Variants in KCNC3 observed in about 807,000 individuals in gnomAD.
The protein encoded by KCNC3 is potassium voltage-gated channel subfamily C member 3.
In KCNC3, 22 loss-of-function variants were observed where a neutral mutation model predicts 43.9. The ratio of observed to expected loss-of-function variants is 0.50; its 90% CI spans 0.36 to 0.72. KCNC3 has a LOEUF of 0.72. Ranked by LOEUF, KCNC3 falls within the 30% of genes least tolerant of loss-of-function variation. The pLI is 0.00. For synonymous variants in KCNC3, 492 were observed against 488.0 expected (o/e 1.01, Z -0.11); for missense variants, 829 against 1,073.8 (o/e 0.77, Z 3.19).
At chr19:50,320,818 G>A (rs376680289) in intron 2 of KCNC3, 34 bp from the exon 3 acceptor site, 224 of 1,607,254 alleles carry the variant, frequency 1.4e-4, no homozygotes, top group Non-Finnish European at 1.8e-4. Flanking sequence ...GAGAGACAAA[G>A]GAGAGAGTGA....
chr19:50,329,972 G>A (rs1192023880), upstream of KCNC3, among the ~76,000 whole-genome samples: 1 of 152,174 alleles, frequency 6.6e-6, no homozygotes, highest in African/African-American at 2.4e-5. Flanking sequence ...TCGACAAATA[G>A]AAAACGTCTT....
Position 50,313,674 on chromosome 19 carries a change from A to G in KCNC3, c.*2441T>C, listed in dbSNP as rs907819422. 4 of 152,232 alleles carry G rather than the reference A, an allele frequency of 2.6e-5. No homozygotes were observed. Among genetic ancestry groups the G allele is most frequent in the African/African-American group, 9.7e-5 (4 of 41,442 alleles). 9.4% of individuals were successfully genotyped at this position (152,232 alleles called of 1,614,324 possible). ...GCATCAAGGGAACCTGGGCTGGACA[A>G]GTCTGTTAGGGCTTTGGGGATATGG... is the stretch of plus-strand genomic sequence containing the variant. On this transcript the variant is annotated 3_prime_UTR_variant, in exon 5 of 5. Coordinates refer to ENST00000477616, the MANE Select transcript of KCNC3 (RefSeq NM_004977.3).
rs369929369 is a variant in KCNC3 at position 50,318,159 on chromosome 19, TTTC to T, written c.*23+2061_*23+2063del. On this transcript the variant is annotated intron_variant, in intron 4 of 4. Coordinates refer to ENST00000477616, the MANE Select transcript of KCNC3 (RefSeq NM_004977.3). The stretch of plus-strand genomic sequence containing the variant: ...TTTTATCTTTATCTTAATTGCTTCT[TTTC>T]TTCTTCTTCTTCTTCTTCTTTTTTT... Among the ~76,000 whole-genome samples, 31 of 151,652 alleles carry T rather than the reference TTTC, an allele frequency of 2.0e-4. 2 individuals carry two copies. Among genetic ancestry groups the T allele is most frequent in the East Asian group, 7.7e-4 (4 of 5,170 alleles).
At chr19:50,322,546 C>T (rs532205325) in intron 2 of KCNC3, among the ~76,000 whole-genome samples, 1 of 152,284 alleles carries the variant, frequency 6.6e-6, no homozygotes, top group African/African-American at 2.4e-5. Context: ...TCTGACTCCC[C>T]GCCTCAGACC....
Position 50,328,272 on chromosome 19 carries a change from G to A in KCNC3, c.811C>T (p.Arg271Cys), listed in dbSNP as rs2037130797. Residue 271 changes from arginine (R) to cysteine (C), a missense_variant, in exon 1 of 5, where the codon CGC (arginine) becomes TGC (cysteine). Around this residue, in one of 7 missense-constraint regions of KCNC3, gnomAD observed 157 missense variants for 293.5 expected, o/e 0.53. Transcript: ENST00000477616. ...AGGAGGTWWR[R>C]WQPRVWALFE... is the part of the protein sequence containing the mutation. ...AGCGCCCACACGCGGGGCTGCCAGCGGCGCCACCATGTGCCGCCCGCGCCG... is the reference window on the plus strand; with the variant it reads ...AGCGCCCACACGCGGGGCTGCCAGCAGCGCCACCATGTGCCGCCCGCGCCG... 13 of 1,187,956 alleles carry A rather than the reference G, an allele frequency of 1.1e-5. No homozygotes were observed. The highest frequency in any genetic ancestry group is 3.4e-4 in the Middle Eastern group (1 of 2,976). The allele number at this position is 1,187,956 out of a possible 1,614,324, so 73.6% of individuals were successfully genotyped here.
rs1002343617 is a variant in KCNC3 at position 50,315,095 on chromosome 19, GAA to G, written c.*1018_*1019del. 1 of 191,566 alleles carries G rather than the reference GAA, an allele frequency of 5.2e-6. No individual in the cohort carries two copies. The highest frequency in any genetic ancestry group is 1.1e-5 in the Non-Finnish European group (1 of 91,540). The allele number at this position is 191,566 out of a possible 1,614,324, so 11.9% of individuals were successfully genotyped here. A position where few individuals can be genotyped will look rare whatever the true frequency, so the allele number is the denominator to read the frequency against. ...AGGCAGGGAGAAAGAGACAGAGAGA[GAA>G]AGAAATGGAAGGGGAGGACAACAGA... is the stretch of plus-strand genomic sequence containing the variant. On this transcript the variant is annotated 3_prime_UTR_variant, in exon 5 of 5. Transcript: ENST00000477616.
intron 4 of KCNC3, among the ~76,000 whole-genome samples, chr19:50,319,926 C>G (rs918970612): frequency 6.6e-6 from 1 of 151,230 alleles, no homozygotes; most frequent in African/African-American, 2.4e-5. Context: ...AAAAAAAACC[C>G]TAGGACCAAG....
chr19:50,318,526 C>G (rs1375767071), intron 4 of KCNC3, among the ~76,000 whole-genome samples: 1 of 152,112 alleles, frequency 6.6e-6, no homozygotes, highest in African/African-American at 2.4e-5. Flanking sequence ...GGAAACTTTT[C>G]CTGTAAAAGG....
In KCNC3 at chr19:50,320,241, G is replaced by A. The variant is rs753489410; in HGVS notation, c.*5C>T. On this transcript the variant is annotated 3_prime_UTR_variant, in exon 4 of 5. Transcript: ENST00000477616. ...TACTTACCCCGGGGGGAGGGGGTTCGTCCACTAGGGGGATATCCAGGCCGC... is the reference window on the plus strand; with the variant it reads ...TACTTACCCCGGGGGGAGGGGGTTCATCCACTAGGGGGATATCCAGGCCGC... 14 of 694,948 alleles carry A rather than the reference G, an allele frequency of 2.0e-5. No individual in the cohort carries two copies. The highest frequency in any genetic ancestry group is 4.3e-5 in the Admixed American group (1 of 23,368). 43.0% of individuals were successfully genotyped at this position (694,948 alleles called of 1,614,324 possible).
At chr19:50,321,228 G>A (rs1011571060) in intron 2 of KCNC3, among the ~76,000 whole-genome samples, 46 of 152,092 alleles carry the variant, frequency 3.0e-4, no homozygotes, top group Middle Eastern at 3.2e-3. Context: ...AGCACTTTGT[G>A]AGGCTGAGGT....
chr19:50,318,056 G>A (rs934058062), intron 4 of KCNC3, among the ~76,000 whole-genome samples: 1 of 152,244 alleles, frequency 6.6e-6, no homozygotes, highest in Non-Finnish European at 1.5e-5. Context: ...GCCTCCCAAA[G>A]TGCTGGGGTT....
chr19:50,332,360 G>A (rs1442927257), upstream of KCNC3, among the ~76,000 whole-genome samples: 1 of 152,168 alleles, frequency 6.6e-6, no homozygotes, highest in Non-Finnish European at 1.5e-5. The surrounding 1 kb of genome is among the most constrained non-coding windows in gnomAD (Gnocchi z 5.8). Context: ...TCAGAAGTGT[G>A]GGAGAAGGTG....
intron 2 of KCNC3, among the ~76,000 whole-genome samples, chr19:50,321,896 T>G (rs1601096728): frequency 1.3e-5 from 2 of 150,948 alleles, no homozygotes; most frequent in African/African-American, 2.4e-5. Flanking sequence ...GGGGTAGGGG[T>G]AGCGGGTGGA....
chr19:50,317,151 T>TA (rs1476892230), intron 4 of KCNC3, among the ~76,000 whole-genome samples: 4 of 144,358 alleles, frequency 2.8e-5, no homozygotes, highest in Non-Finnish European at 4.6e-5. Flanking sequence ...GGGGAGGAGT[T>TA]AGATAGGAGC....
Position 50,323,349 on chromosome 19 carries a change from AC to A in KCNC3, c.1603del (p.Val535CysfsTer73). 1 of 1,614,154 alleles carries A rather than the reference AC, an allele frequency of 6.2e-7. No homozygotes were observed. Among genetic ancestry groups the A allele is most frequent in the Non-Finnish European group, 8.5e-7 (1 of 1,180,036 alleles). On this transcript the variant is annotated frameshift_variant, in exon 2 of 5. Coordinates refer to ENST00000477616, the MANE Select transcript of KCNC3 (RefSeq NM_004977.3). LOFTEE classifies it high-confidence loss of function. ...GCCAAAGTTGTTGACAATGACGGGC[AC>A]AGGCATGGCGATGGTCAGCACCCCC... ...LAGVLTIAMPVPVIVNNFGMY... is the reference protein window; with the variant it reads ...LAGVLTIAMPXPVIVNNFGMY...
rs1283312730 is a variant in KCNC3 at position 50,328,360 on chromosome 19, C to G, written c.723G>C (p.Glu241Asp). The G allele has an allele frequency of 2.5e-6, 3 of 1,186,964 alleles. No homozygotes were observed. The highest frequency in any genetic ancestry group is 3.1e-6 in the Non-Finnish European group (3 of 961,618). 73.5% of individuals were successfully genotyped at this position (1,186,964 alleles called of 1,614,324 possible). ...GGGGLDGAGG[E>D]LKRLCFQDAG... Reference sequence around the variant, plus strand: ...CGTCCTGGAAGCAGAGGCGCTTGAGCTCGCCGCCCGCTCCGTCCAGGCCGC... The same window carrying G: ...CGTCCTGGAAGCAGAGGCGCTTGAGGTCGCCGCCCGCTCCGTCCAGGCCGC... Residue 241 changes from glutamate (E) to aspartate (D), a missense_variant, in exon 1 of 5, where the codon GAG becomes GAC. Physicochemically the swap from Glu to Asp is conservative, Grantham distance 45. Around this residue, in one of 7 missense-constraint regions of KCNC3, gnomAD observed 60 missense variants for 56.0 expected, o/e 1.07. Transcript: ENST00000477616.
At chr19:50,321,983 A>T (rs2037040164) in intron 2 of KCNC3, among the ~76,000 whole-genome samples, 3 of 151,996 alleles carry the variant, frequency 2.0e-5, no homozygotes. Context: ...AAGGGCACCA[A>T]GGGGAAGGGC....
Position 50,328,576 on chromosome 19 carries a change from C to T in KCNC3, c.507G>A (p.Glu169=), listed in dbSNP as rs2037136612. Residue 169 remains glutamate, a synonymous_variant, in exon 1 of 5, where the codon GAG becomes GAA. Coordinates refer to ENST00000477616, the MANE Select transcript of KCNC3 (RefSeq NM_004977.3). Reference sequence around the variant, plus strand: ...CGTCGATGCCCCAGAAGCCGAGCTCCTCCTCAAACAGGGGCCCGCACACGT... The same window carrying T: ...CGTCGATGCCCCAGAAGCCGAGCTCTTCCTCAAACAGGGGCCCGCACACGT... The part of the protein sequence containing the change: ...PADVCGPLFE[E]ELGFWGIDET... 1.9e-6 allele frequency: 3 copies of T among 1,610,996 alleles called. No homozygotes were observed. Among genetic ancestry groups the T allele is most frequent in the East Asian group, 4.5e-5 (2 of 44,818 alleles).
At chr19:50,317,051 C>T (rs1331811423) in intron 4 of KCNC3, among the ~76,000 whole-genome samples, 1 of 151,032 alleles carries the variant, frequency 6.6e-6, no homozygotes, top group Non-Finnish European at 1.5e-5. Flanking sequence ...CATAGGCCCA[C>T]ACCCTCTCCC....
Sources: allele counts gnomAD v4.1 joint callset (sites outside exome capture counted in the v4.1 genomes callset), GRCh38; gene constraint gnomAD v4.1.1; regional missense constraint gnomAD v4.1.1; non-coding constraint Gnocchi (gnomAD v3.1); transcripts MANE v1.5; gene names NCBI Gene and HGNC (gene_info 2026-07-23, HGNC 2026-07-21).